SNX29: variants seen among roughly 807,000 people sequenced by gnomAD.
SNX29 encodes the protein sorting nexin 29, also known as sorting nexin-29.
SNX29 carries 78 observed loss-of-function variants against 102.1 expected under a neutral mutation model. The ratio of observed to expected loss-of-function variants is 0.76; its 90% confidence interval spans 0.64 to 0.92. The LOEUF is 0.92. Ranked by LOEUF, SNX29 falls within the 40% of genes least tolerant of loss-of-function variation. The pLI is 0.00. For synonymous variants in SNX29, 580 were observed against 414.5 expected (o/e 1.40, Z -4.85); for missense variants, 1,280 against 1,061.7 (o/e 1.21, Z -2.86).
chr16:12,224,888 G>A (rs977888374), intron 14 of SNX29, among the ~76,000 whole-genome samples: 6 of 152,138 alleles, frequency 3.9e-5, no homozygotes, highest in African/African-American at 9.7e-5. Context: ...ATTCAGATCT[G>A]TGGCTGTACA....
chr16:12,456,306 G>A (rs1207521538), intron 18 of SNX29, among the ~76,000 whole-genome samples: 2 of 152,196 alleles, frequency 1.3e-5, no homozygotes, highest in African/African-American at 4.8e-5. Flanking sequence ...CAGCAGCTGC[G>A]ATTGCCTGCC....
intron 16 of SNX29, among the ~76,000 whole-genome samples, chr16:12,368,664 T>A (rs1233158114): frequency 6.6e-6 from 1 of 152,226 alleles, no homozygotes; most frequent in Non-Finnish European, 1.5e-5. Flanking sequence ...CTGCCACTGA[T>A]CCTGAAGGAA....
At chr16:12,366,523 A>T (rs946539802) in intron 16 of SNX29, among the ~76,000 whole-genome samples, 1 of 152,120 alleles carries the variant, frequency 6.6e-6, no homozygotes, top group Non-Finnish European at 1.5e-5. Flanking sequence ...AGAGGAAGTG[A>T]CATAGCGTGG....
chr16:12,473,684 A>T (rs1361664872), intron 18 of SNX29, among the ~76,000 whole-genome samples: 3 of 152,170 alleles, frequency 2.0e-5, no homozygotes, highest in Non-Finnish European at 4.4e-5. Flanking sequence ...GGTCATAAAG[A>T]CCTTGCTGAT....
At chr16:12,493,527 T>G (rs2088656321) in intron 19 of SNX29, among the ~76,000 whole-genome samples, 1 of 152,188 alleles carries the variant, frequency 6.6e-6, no homozygotes, top group Admixed American at 6.5e-5. Context: ...TACCCTTTAT[T>G]TCCTTCTCCT....
intron 15 of SNX29, among the ~76,000 whole-genome samples, chr16:12,295,969 T>G (rs1042486571): frequency 6.6e-6 from 1 of 152,258 alleles, no homozygotes; most frequent in African/African-American, 2.4e-5. Context: ...CTCCTCAAAA[T>G]GAAATATGTT....
intron 15 of SNX29, among the ~76,000 whole-genome samples, chr16:12,316,693 G>T (rs537955753): frequency 7.9e-5 from 12 of 152,216 alleles, no homozygotes; most frequent in African/African-American, 2.2e-4. Flanking sequence ...CGCTCACTGG[G>T]CTTGGTTAGG....
Position 12,420,499 on chromosome 16 carries a change from C to A in SNX29, c.2037+16970C>A, listed in dbSNP as rs556563757. Among the ~76,000 whole-genome samples, 19 of 152,226 alleles carry A rather than the reference C, an allele frequency of 1.2e-4. 1 individual carries two copies. Among genetic ancestry groups the A allele is most frequent in the South Asian group, 1.2e-3 (6 of 4,810 alleles). ...ATCAAACCTCTGCAGTGAGGCACAT[C>A]CTGGTGTTGGCAAGTGTTTGACATG... On this transcript the variant is annotated intron_variant, in intron 18 of 20. Transcript: ENST00000566228.
At chr16:12,058,138 T>C (rs538935861) in intron 8 of SNX29, among the ~76,000 whole-genome samples, 35 of 151,906 alleles carry the variant, frequency 2.3e-4, no homozygotes, top group African/African-American at 8.5e-4. Flanking sequence ...TAATATTGAA[T>C]GGAAAAAACA....
intron 20 of SNX29, among the ~76,000 whole-genome samples, chr16:12,554,605 A>G (rs2078207178): frequency 6.6e-6 from 1 of 152,086 alleles, no homozygotes; most frequent in African/African-American, 2.4e-5. Flanking sequence ...AAGCCAGAGG[A>G]GCTCACTCAC....
intron 18 of SNX29, among the ~76,000 whole-genome samples, chr16:12,460,586 C>G (rs1186282132): frequency 6.6e-6 from 1 of 152,070 alleles, no homozygotes. Flanking sequence ...CTGTGCATCC[C>G]TATGCCATAA....
At chr16:12,131,996 C>G (rs1228647434) in intron 13 of SNX29, among the ~76,000 whole-genome samples, 1 of 152,116 alleles carries the variant, frequency 6.6e-6, no homozygotes, top group Non-Finnish European at 1.5e-5. Flanking sequence ...CCTGGCCATG[C>G]TAGAGTTTTG....
In SNX29 at chr16:12,562,589, G is replaced by A. The variant is rs75810536; in HGVS notation, c.2319-5917G>A. Among the ~76,000 whole-genome samples the A allele has an allele frequency of 6.1e-4, 93 of 152,278 alleles. 1 individual carries two copies. In the East Asian group the frequency reaches 0.012, roughly 20 times the overall value. ...TGGTCCCTAGTTTTTACCCAGAGAC[G>A]GGGACAAAGGTCGCTGGCTCTTGAG... is the stretch of plus-strand genomic sequence containing the variant. On this transcript the variant is annotated intron_variant, in intron 20 of 20. Coordinates refer to ENST00000566228, the MANE Select transcript of SNX29 (RefSeq NM_032167.5).
At chr16:12,398,065 G>T (rs968133188) in intron 16 of SNX29, among the ~76,000 whole-genome samples, 15 of 152,176 alleles carry the variant, frequency 9.9e-5, no homozygotes, top group Admixed American at 5.2e-4. Context: ...GGGTGTGTCT[G>T]TGTGTGTGAT....
At chr16:12,393,034 A>C (rs2083586362) in intron 16 of SNX29, among the ~76,000 whole-genome samples, 1 of 152,234 alleles carries the variant, frequency 6.6e-6, no homozygotes, top group Admixed American at 6.5e-5. Context: ...GTGGGATGGA[A>C]AACAGTTGTC....
intron 18 of SNX29, among the ~76,000 whole-genome samples, chr16:12,470,863 T>C (rs1439302715): frequency 1.3e-5 from 2 of 152,216 alleles, no homozygotes; most frequent in Non-Finnish European, 2.9e-5. Context: ...ACAGCTGCCA[T>C]TGCTTATTGC....
At chr16:12,101,694 T>C (rs2053029444) in intron 11 of SNX29, among the ~76,000 whole-genome samples, 1 of 152,138 alleles carries the variant, frequency 6.6e-6, no homozygotes, top group Non-Finnish European at 1.5e-5. Context: ...TGACCCCCAG[T>C]TTTAATCATC....
At chr16:12,167,873 C>T (rs2076053605) in intron 13 of SNX29, among the ~76,000 whole-genome samples, 1 of 152,174 alleles carries the variant, frequency 6.6e-6, no homozygotes, top group Non-Finnish European at 1.5e-5. Flanking sequence ...AGGAATGGTC[C>T]TTGGCAGCTT....
intron 20 of SNX29, among the ~76,000 whole-genome samples, chr16:12,560,418 T>G (rs931350426): frequency 6.6e-6 from 1 of 152,186 alleles, no homozygotes; most frequent in Non-Finnish European, 1.5e-5. Flanking sequence ...ACAGTGTCTG[T>G]CCTGTAGGCA....
Sources: gnomAD v4.1 joint callset for allele counts (sites outside exome capture counted in the v4.1 genomes callset) on GRCh38, gnomAD v4.1.1 for gene constraint, MANE v1.5 for transcripts, NCBI Gene and HGNC (gene_info 2026-07-23, HGNC 2026-07-21) for gene names.